FBXO36: variants seen among roughly 807,000 people sequenced by gnomAD.
The protein encoded by FBXO36 is F-box only protein 36.
A neutral mutation model predicts 17.0 loss-of-function variants in FBXO36; 18 were observed. The observed-to-expected ratio is 1.06, with a 90% CI of 0.73 to 1.57. The LOEUF (loss-of-function observed/expected upper bound fraction) is 1.57. Among genes scored for constraint, FBXO36 ranks in the 40% most tolerant of loss-of-function variants. The probability of loss-of-function intolerance (pLI) is 0.00; values close to 1 mark genes in which losing one functional copy is unlikely to be tolerated. For missense variants in FBXO36, 229 were observed against 221.9 expected, an observed-to-expected ratio of 1.03 and a Z score of -0.20; for synonymous variants, 83 against 85.3, an observed-to-expected ratio of 0.97 and a Z score of 0.15.
chr2:229,936,556 A>C (rs2076965048), intron 1 of FBXO36, among the ~76,000 whole-genome samples: 1 of 152,200 alleles, frequency 6.6e-6, no homozygotes, highest in Non-Finnish European at 1.5e-5. Context: ...AATGAGAACA[A>C]AGGAACTACT....
At chr2:229,951,456 C>A (rs988461375) in intron 1 of FBXO36, among the ~76,000 whole-genome samples, 1 of 151,670 alleles carries the variant, frequency 6.6e-6, no homozygotes, top group African/African-American at 2.4e-5. Context: ...GTTGGTCAGG[C>A]TGGTCTTGAA....
chr2:229,960,838 GTGGCT>G (rs2077116876), intron 1 of FBXO36, among the ~76,000 whole-genome samples: 1 of 152,186 alleles, frequency 6.6e-6, no homozygotes, highest in Non-Finnish European at 1.5e-5. Context: ...GCTGGGCGCA[GTGGCT>G]CATGCCTGTA....
chr2:229,960,643 G>C (rs1012120757), intron 1 of FBXO36, among the ~76,000 whole-genome samples: 1 of 152,128 alleles, frequency 6.6e-6, no homozygotes, highest in Non-Finnish European at 1.5e-5. Context: ...GGCATGTGCC[G>C]CCATGCCTGG....
At chr2:229,975,799 A>G in intron 1 of FBXO36, among the ~76,000 whole-genome samples, 1 of 19,844 alleles carries the variant, frequency 5.0e-5, no homozygotes, top group Middle Eastern at 0.028. Flanking sequence ...ATTTTATTTT[A>G]TTTTTTTTGG....
intron 1 of FBXO36, among the ~76,000 whole-genome samples, chr2:229,927,732 T>C (rs1462230135): frequency 6.7e-6 from 1 of 148,554 alleles, no homozygotes; most frequent in Non-Finnish European, 1.5e-5. Flanking sequence ...CAAAAAGATA[T>C]ATGAAGCTAG....
chr2:229,924,521 TA>T (rs1271177340), intron 1 of FBXO36, among the ~76,000 whole-genome samples: 1 of 152,264 alleles, frequency 6.6e-6, no homozygotes, highest in Non-Finnish European at 1.5e-5. Flanking sequence ...TTTTAATTTT[TA>T]CAGCCTTTAA....
intron 2 of FBXO36, among the ~76,000 whole-genome samples, chr2:229,989,789 G>A (rs1379069659): frequency 1.4e-5 from 2 of 143,940 alleles, no homozygotes; most frequent in African/African-American, 5.2e-5. Flanking sequence ...TGGCCAGGCT[G>A]GTCTTGAACT....
chr2:229,951,635 CGATCTGCTTTGG>C (rs2077058511), intron 1 of FBXO36, among the ~76,000 whole-genome samples: 2 of 152,324 alleles, frequency 1.3e-5, no homozygotes, highest in African/African-American at 2.4e-5. Flanking sequence ...CAGGGAAAAT[CGATCTGCTTTGG>C]GATCTATCTT....
chr2:230,006,973 C>G (rs556926261), intron 3 of FBXO36, among the ~76,000 whole-genome samples: 2 of 152,382 alleles, frequency 1.3e-5, no homozygotes, highest in East Asian at 3.9e-4. Flanking sequence ...TCAGGATCAT[C>G]CAGCTTTCTG....
At chr2:229,992,758 G>C (rs1177959493) in intron 2 of FBXO36, among the ~76,000 whole-genome samples, 1 of 152,164 alleles carries the variant, frequency 6.6e-6, no homozygotes, top group African/African-American at 2.4e-5. Flanking sequence ...AGAAATTTGG[G>C]AGCAACTTAA....
At chr2:229,982,971 C>T (rs2077248727) in intron 2 of FBXO36, among the ~76,000 whole-genome samples, 1 of 151,984 alleles carries the variant, frequency 6.6e-6, no homozygotes, top group South Asian at 2.1e-4. Flanking sequence ...ATTTTTTTAA[C>T]AGATTTGCAT....
At chr2:229,938,164 G>A (rs1231854488) in intron 1 of FBXO36, among the ~76,000 whole-genome samples, 6 of 146,502 alleles carry the variant, frequency 4.1e-5, no homozygotes, top group African/African-American at 1.5e-4. Flanking sequence ...AGATGGGGTT[G>A]TAGAGATGGC....
chr2:229,989,876 G>T (rs1425462299), intron 2 of FBXO36, among the ~76,000 whole-genome samples: 2 of 152,044 alleles, frequency 1.3e-5, no homozygotes, highest in Non-Finnish European at 2.9e-5. Context: ...CCCGGCTCAT[G>T]ATGTATTTTT....
intron 2 of FBXO36, among the ~76,000 whole-genome samples, chr2:229,985,698 T>A: frequency 6.6e-6 from 1 of 152,360 alleles, no homozygotes; most frequent in Middle Eastern, 3.4e-3. Flanking sequence ...TATTAACTGA[T>A]GTTTTAAGAT....
At chr2:229,955,443 G>A (rs1431945087) in intron 1 of FBXO36, among the ~76,000 whole-genome samples, 2 of 151,984 alleles carry the variant, frequency 1.3e-5, no homozygotes, top group East Asian at 3.9e-4. Context: ...TTGAATCCAG[G>A]AGGTCAAGGC....
chr2:229,988,679 C>T (rs951528379), intron 2 of FBXO36, among the ~76,000 whole-genome samples: 6 of 152,024 alleles, frequency 3.9e-5, no homozygotes, highest in Admixed American at 1.3e-4. Context: ...GGATTACAGG[C>T]ATGCATCACC....
At chr2:230,008,482 G>C (rs979544999) in intron 3 of FBXO36, among the ~76,000 whole-genome samples, 3 of 152,026 alleles carry the variant, frequency 2.0e-5, no homozygotes, top group Admixed American at 6.5e-5. Flanking sequence ...GTCATAGATG[G>C]GGGTATTTTG....
chr2:229,981,600 G>T (rs1360405886), intron 2 of FBXO36, among the ~76,000 whole-genome samples: 1 of 151,488 alleles, frequency 6.6e-6, no homozygotes, highest in Non-Finnish European at 1.5e-5. Flanking sequence ...TACTCAGGAG[G>T]CTGAGGTGGA....
chr2:230,010,608 T>A, intron 3 of FBXO36, 88 bp from the exon 4 acceptor site: 1 of 1,239,830 alleles, frequency 8.1e-7, no homozygotes, highest in African/African-American at 1.5e-5. Context: ...ACAGGTAGTG[T>A]TTCTCCAGTG....
Sources: allele counts gnomAD v4.1 joint callset (sites outside exome capture counted in the v4.1 genomes callset), GRCh38; gene constraint gnomAD v4.1.1; transcripts MANE v1.5; gene names NCBI Gene and HGNC (gene_info 2026-07-23, HGNC 2026-07-21).